PHF24: variants seen among roughly 807,000 people sequenced by gnomAD.
The protein encoded by PHF24 is PHD finger protein 24, also known as Galpha inhibitory interacting protein.
In PHF24, 25 loss-of-function variants were observed where a neutral mutation model predicts 42.6. The observed-to-expected ratio is 0.59, with a 90% CI of 0.43 to 0.82. The LOEUF (loss-of-function observed/expected upper bound fraction) is 0.82, where lower values mean the gene tolerates loss of function less well. Among genes scored for constraint, PHF24 ranks in the 40% least tolerant of loss-of-function variants. PHF24 has a pLI of 0.00. For synonymous variants in PHF24, 185 were observed against 204.8 expected, an observed-to-expected ratio of 0.90 and a Z score of 0.83; for missense variants, 470 against 538.1, an observed-to-expected ratio of 0.87 and a Z score of 1.25.
the PHF24 span, chr9:34,837,771 C>T: frequency 9.9e-7 from 1 of 1,007,344 alleles, no homozygotes; most frequent in Admixed American, 2.0e-5. Context: ...ATGAGACTTA[C>T]ATTTATTTTC....
At chr9:34,827,459 C>T in the PHF24 span, among the ~76,000 whole-genome samples, 3 of 152,156 alleles carry the variant, frequency 2.0e-5, no homozygotes, top group African/African-American at 7.2e-5. Flanking sequence ...AGGGACATAT[C>T]CATGTTTCTT....
At chr9:34,782,454 G>T in the PHF24 span, among the ~76,000 whole-genome samples, 3 of 152,250 alleles carry the variant, frequency 2.0e-5, no homozygotes, top group Admixed American at 6.5e-5. Flanking sequence ...CTTATGAAAA[G>T]TTGAGGATTA....
the PHF24 span, chr9:34,833,609 T>A: frequency 6.5e-7 from 1 of 1,541,048 alleles, no homozygotes; most frequent in Non-Finnish European, 8.8e-7. Context: ...CTCTAGGACC[T>A]TTTTTCTCAG....
At chr9:34,723,387 C>T in the PHF24 span, 5 of 1,551,690 alleles carry the variant, frequency 3.2e-6, no homozygotes, top group Non-Finnish European at 4.4e-6. Context: ...AAGGCTGGGC[C>T]CACCAGCTTC....
chr9:34,843,727 T>A, the PHF24 span, among the ~76,000 whole-genome samples: 1 of 152,100 alleles, frequency 6.6e-6, no homozygotes, highest in Non-Finnish European at 1.5e-5. Context: ...TAATTTTTTT[T>A]ATTTAATTTT....
chr9:34,671,728 T>C, the PHF24 span, among the ~76,000 whole-genome samples: 1 of 152,152 alleles, frequency 6.6e-6, no homozygotes, highest in African/African-American at 2.4e-5. Flanking sequence ...GAAGACACTA[T>C]TGTGGAGTGC....
At chr9:34,673,784 G>T in the PHF24 span, among the ~76,000 whole-genome samples, 1 of 152,110 alleles carries the variant, frequency 6.6e-6, no homozygotes, top group African/African-American at 2.4e-5. Flanking sequence ...GCCAAACCTG[G>T]CTAATTTTTT....
chr9:34,969,883 CCAAA>C (rs758026709), intron 1 of PHF24, among the ~76,000 whole-genome samples: 17 of 152,122 alleles, frequency 1.1e-4, no homozygotes, highest in Non-Finnish European at 2.4e-4. Context: ...ACCTTTTCCC[CCAAA>C]CAAACTGAGC....
chr9:34,904,019 G>A, the PHF24 span, among the ~76,000 whole-genome samples: 183 of 152,198 alleles, frequency 1.2e-3, 1 homozygote, highest in African/African-American at 3.9e-3. Flanking sequence ...ACTGATTTGT[G>A]TACATTAATC....
chr9:34,704,059 G>A, the PHF24 span, among the ~76,000 whole-genome samples: 1 of 150,588 alleles, frequency 6.6e-6, no homozygotes, highest in Non-Finnish European at 1.5e-5. Context: ...TAAAGGTGGG[G>A]TATTGCTCCA....
At chr9:34,893,698 A>T in the PHF24 span, among the ~76,000 whole-genome samples, 1 of 152,078 alleles carries the variant, frequency 6.6e-6, no homozygotes, top group East Asian at 1.9e-4. Context: ...GCTTCAGACG[A>T]CCCATGGGAG....
chr9:34,976,674 C>T lies in PHF24; in HGVS notation c.783C>T (p.Gly261=), dbSNP rs145905262. 732 of 1,614,214 alleles carry T rather than the reference C, an allele frequency of 4.5e-4. 1 individual carries two copies. In the East Asian group the frequency reaches 0.016, roughly 34 times the overall value. Residue 261 remains glycine (G), a synonymous_variant, in exon 5 of 8, where the codon GGC becomes GGT. Transcript: ENST00000242315. ...CTGCCCTGGACCCTGAACATCGAGG[C>T]CACATAGAGTGGCCTGACTTCTTGT...
chr9:34,787,781 A>G, the PHF24 span, among the ~76,000 whole-genome samples: 7 of 151,894 alleles, frequency 4.6e-5, no homozygotes, highest in African/African-American at 1.7e-4. Context: ...CCTTCCATTT[A>G]CTCCTCAACC....
the PHF24 span, among the ~76,000 whole-genome samples, chr9:34,797,144 C>G: frequency 1.8e-4 from 27 of 152,268 alleles, no homozygotes; most frequent in East Asian, 4.6e-3. Flanking sequence ...TTGCTTCTTC[C>G]GTGCCCAGCT....
At chr9:34,673,282 AGC>A in the PHF24 span, among the ~76,000 whole-genome samples, 15,269 of 150,170 alleles carry the variant, frequency 0.1, 1,015 homozygotes, top group Admixed American at 0.17. Flanking sequence ...CTAACCTGGG[AGC>A]GGGAGGTTGC....
chr9:34,790,451 A>G, the PHF24 span, among the ~76,000 whole-genome samples: 1 of 152,112 alleles, frequency 6.6e-6, no homozygotes, highest in African/African-American at 2.4e-5. Flanking sequence ...AAAAAAAATG[A>G]CTCCATTTTG....
At chr9:34,775,983 CCAGT>C in the PHF24 span, among the ~76,000 whole-genome samples, 2 of 152,054 alleles carry the variant, frequency 1.3e-5, no homozygotes, top group African/African-American at 2.4e-5. Context: ...GTAAAAGGAG[CCAGT>C]CAGAGAAGAC....
the PHF24 span, chr9:34,723,599 T>G: frequency 1.9e-6 from 3 of 1,551,782 alleles, no homozygotes; most frequent in Admixed American, 3.9e-5. Context: ...ACATTTAATT[T>G]TATTTCTGAA....
the PHF24 span, among the ~76,000 whole-genome samples, chr9:34,904,261 T>C: frequency 6.6e-6 from 1 of 152,194 alleles, no homozygotes; most frequent in Non-Finnish European, 1.5e-5. Flanking sequence ...CAGTACTATG[T>C]TGAAGAGGAG....
Sources: allele counts gnomAD v4.1 joint callset (sites outside exome capture counted in the v4.1 genomes callset), GRCh38; gene constraint gnomAD v4.1.1; transcripts MANE v1.5; gene names NCBI Gene and HGNC (gene_info 2026-07-23, HGNC 2026-07-21).